GLIS3: variants seen among roughly 807,000 people sequenced by gnomAD.
GLIS3 encodes zinc finger protein GLIS3.
GLIS3 carries 53 observed loss-of-function variants against 78.6 expected under a neutral mutation model. The observed-to-expected ratio is 0.67, with a 90% confidence interval of 0.54 to 0.85. The LOEUF (loss-of-function observed/expected upper bound fraction) is 0.85. GLIS3 is among the 40% of genes least tolerant of loss of function. The pLI, the probability that GLIS3 is intolerant of heterozygous loss-of-function variation, is 0.00. For missense variants in GLIS3, 1,703 were observed against 1,231.1 expected (o/e 1.38, Z -5.74); for synonymous variants, 684 against 509.9 (o/e 1.34, Z -4.60).
At chr9:4,413,033 G>T in the GLIS3 span, among the ~76,000 whole-genome samples, 1 of 152,194 alleles carries the variant, frequency 6.6e-6, no homozygotes, top group Non-Finnish European at 1.5e-5. Context: ...AGGCTACTGA[G>T]ATTTAGAGTT....
chr9:3,932,127 G>C (rs1563863942), intron 6 of GLIS3, among the ~76,000 whole-genome samples: 5 of 151,922 alleles, frequency 3.3e-5, no homozygotes, highest in African/African-American at 4.8e-5. Flanking sequence ...AATTTGCATA[G>C]CTATAGCAGC....
At chr9:4,165,812 G>A (rs78458808) in intron 2 of GLIS3, among the ~76,000 whole-genome samples, 3 of 152,138 alleles carry the variant, frequency 2.0e-5, no homozygotes, top group Non-Finnish European at 4.4e-5. Context: ...CTTCAATTGG[G>A]TGAGATTGCT....
chr9:4,399,694 C>G, the GLIS3 span, among the ~76,000 whole-genome samples: 1 of 152,064 alleles, frequency 6.6e-6, no homozygotes, highest in Non-Finnish European at 1.5e-5. Context: ...CTCAAGCAGC[C>G]CACATCTGGA....
At chr9:4,208,312 T>C (rs1389527176) in intron 2 of GLIS3, among the ~76,000 whole-genome samples, 3 of 152,172 alleles carry the variant, frequency 2.0e-5, no homozygotes, top group Non-Finnish European at 4.4e-5. Context: ...GGACTCCTGT[T>C]TTAAATCTCG....
chr9:4,155,162 T>G (rs1420946800), intron 2 of GLIS3, among the ~76,000 whole-genome samples: 1 of 152,202 alleles, frequency 6.6e-6, no homozygotes, highest in African/African-American at 2.4e-5. Context: ...GCAATAAACA[T>G]ACATAATTTT....
intron 2 of GLIS3, among the ~76,000 whole-genome samples, chr9:4,223,421 A>G (rs1455177419): frequency 6.6e-6 from 1 of 152,148 alleles, no homozygotes; most frequent in Non-Finnish European, 1.5e-5. Context: ...TCAAAGACTC[A>G]ATCGGATTGC....
chr9:3,833,619 C>G (rs1253672396), intron 9 of GLIS3, among the ~76,000 whole-genome samples: 1 of 152,132 alleles, frequency 6.6e-6, no homozygotes, highest in African/African-American at 2.4e-5. Flanking sequence ...ATTGCTGAAA[C>G]CAAAGAAATG....
At chr9:3,975,852 T>C (rs554118320) in intron 4 of GLIS3, among the ~76,000 whole-genome samples, 13 of 152,058 alleles carry the variant, frequency 8.5e-5, no homozygotes, top group African/African-American at 2.9e-4. Flanking sequence ...CATTAAAAAA[T>C]TGCACCTGTC....
rs573995477 is a variant in GLIS3 at position 4,014,091 on chromosome 9, G to A, written c.1711-76902C>T. ...TGTGGCCCAAGAATCAAGATAACCC[G>A]CATGAACTCAACATTTTCTCTCAGC... On this transcript the variant is annotated intron_variant, in intron 4 of 10. Coordinates refer to ENST00000381971, the MANE Select transcript of GLIS3 (RefSeq NM_001042413.2). Among the ~76,000 whole-genome samples, 20 of 152,262 alleles carry A rather than the reference G, an allele frequency of 1.3e-4. 1 individual carries two copies. Among genetic ancestry groups the A allele is most frequent in the Admixed American group, 5.9e-4 (9 of 15,292 alleles).
At chr9:4,315,157 A>T (rs1817419248) in intron 2 of GLIS3, among the ~76,000 whole-genome samples, 1 of 152,202 alleles carries the variant, frequency 6.6e-6, no homozygotes, top group South Asian at 2.1e-4. Context: ...ATCTCAGTTA[A>T]TTTGGGAAGT....
At chr9:4,182,292 A>G (rs1171739813) in intron 2 of GLIS3, among the ~76,000 whole-genome samples, 2 of 152,182 alleles carry the variant, frequency 1.3e-5, no homozygotes, top group Non-Finnish European at 2.9e-5. Context: ...TGGGGCATGT[A>G]TTCTTCAGTT....
chr9:4,342,215 T>TA (rs1355033050), intron 2 of GLIS3, among the ~76,000 whole-genome samples: 2 of 152,224 alleles, frequency 1.3e-5, no homozygotes, highest in African/African-American at 4.8e-5. Flanking sequence ...AGGGTTTTTA[T>TA]AGTTTTGGGT....
chr9:3,973,200 C>T (rs1818516500), intron 4 of GLIS3, among the ~76,000 whole-genome samples: 1 of 152,140 alleles, frequency 6.6e-6, no homozygotes. Flanking sequence ...GTGTGATATC[C>T]TCCTGGGATC....
intron 5 of GLIS3, among the ~76,000 whole-genome samples, chr9:3,934,094 T>C (rs953905565): frequency 1.3e-5 from 2 of 152,196 alleles, no homozygotes; most frequent in Non-Finnish European, 2.9e-5. Context: ...TTCTATAAAA[T>C]AGTGAGTTTA....
At chr9:3,927,736 T>C (rs1301562787) in intron 6 of GLIS3, among the ~76,000 whole-genome samples, 1 of 152,188 alleles carries the variant, frequency 6.6e-6, no homozygotes, top group African/African-American at 2.4e-5. Context: ...CTTACCTCTT[T>C]TTAAATGGCT....
intron 2 of GLIS3, among the ~76,000 whole-genome samples, chr9:4,126,633 A>C (rs776185772): frequency 2.0e-5 from 3 of 152,244 alleles, no homozygotes; most frequent in Non-Finnish European, 2.9e-5. Context: ...GAAAGAAAAA[A>C]AGGAACCCAC....
intron 2 of GLIS3, among the ~76,000 whole-genome samples, chr9:4,314,099 T>A (rs192118144): frequency 3.3e-5 from 5 of 152,336 alleles, no homozygotes; most frequent in African/African-American, 9.6e-5. Context: ...TTAACCTTTG[T>A]GTGCCTCAGT....
At chr9:3,948,610 A>ATT (rs567342053) in intron 4 of GLIS3, among the ~76,000 whole-genome samples, 15 of 152,290 alleles carry the variant, frequency 9.8e-5, no homozygotes, top group African/African-American at 3.6e-4. Context: ...CAGGAATAAT[A>ATT]AGTCTATGAA....
chr9:4,064,529 G>T (rs1043759514), intron 4 of GLIS3, among the ~76,000 whole-genome samples: 2 of 152,146 alleles, frequency 1.3e-5, no homozygotes, highest in African/African-American at 2.4e-5. Flanking sequence ...TTATAATAAT[G>T]GTTATGCAAG....
Sources: gnomAD v4.1 joint callset for allele counts (sites outside exome capture counted in the v4.1 genomes callset) on GRCh38, gnomAD v4.1.1 for gene constraint, MANE v1.5 for transcripts, NCBI Gene and HGNC (gene_info 2026-07-23, HGNC 2026-07-21) for gene names.